Variants in MTMR2 observed in about 807,000 individuals in gnomAD.
MTMR2 encodes phosphatidylinositol-3,5-bisphosphate 3-phosphatase MTMR2.
MTMR2 carries 55 observed loss-of-function variants against 86.9 expected under a neutral mutation model. That is an observed-to-expected ratio of 0.63 (90% CI 0.51 to 0.79). MTMR2 has a LOEUF of 0.79. Ranked by LOEUF, MTMR2 falls within the 30% of genes least tolerant of loss-of-function variation. The probability of loss-of-function intolerance (pLI) is 0.00; values close to 1 mark genes in which losing one functional copy is unlikely to be tolerated. For synonymous variants in MTMR2, 241 were observed against 266.8 expected (o/e 0.90, Z 0.94); for missense variants, 659 against 772.3 (o/e 0.85, Z 1.74).
chr11:95,851,216 C>T (rs2135444803), intron 7 of MTMR2, among the ~76,000 whole-genome samples: 1 of 151,812 alleles, frequency 6.6e-6, no homozygotes, highest in African/African-American at 2.4e-5. Context: ...CCGTACGCCA[C>T]CATGCTGGGC....
chr11:95,852,878 T>C (rs1166206577), intron 7 of MTMR2, among the ~76,000 whole-genome samples: 5 of 151,912 alleles, frequency 3.3e-5, no homozygotes, highest in Non-Finnish European at 5.9e-5. Context: ...GTTTCTATTA[T>C]ACAAAACTTA....
chr11:95,917,411 TC>T (rs1866749811), intron 1 of MTMR2, among the ~76,000 whole-genome samples: 1 of 152,314 alleles, frequency 6.6e-6, no homozygotes, highest in Non-Finnish European at 1.5e-5. Context: ...GTTATCTCCT[TC>T]CCCTGGGCAT....
At chr11:95,907,982 C>T (rs1460836371) in intron 1 of MTMR2, 1 of 320,778 alleles carries the variant, frequency 3.1e-6, no homozygotes. Flanking sequence ...CAACATAACA[C>T]TGTAAGTCCT....
intron 1 of MTMR2, among the ~76,000 whole-genome samples, chr11:95,895,879 G>A (rs1865863896): frequency 6.6e-6 from 1 of 152,046 alleles, no homozygotes. Flanking sequence ...AATGTTCATA[G>A]CAGCATTATT....
intron 1 of MTMR2, among the ~76,000 whole-genome samples, chr11:95,910,588 C>T (rs964612728): frequency 3.9e-5 from 6 of 152,180 alleles, no homozygotes; most frequent in Admixed American, 2.6e-4. Context: ...ATAGTCATTA[C>T]AATAAGATCT....
rs1456217477 is a variant in MTMR2, at chr11:95,858,620, A to C, written c.481T>G (p.Leu161Val). 2 of 1,606,618 alleles carry C rather than the reference A, an allele frequency of 1.2e-6. No individual in the cohort carries two copies. The highest frequency in any genetic ancestry group is 1.3e-5 in the African/African-American group (1 of 74,748). The change falls in exon 6 of 15, where the codon TTA becomes GTA. Residue 161 changes from leucine to valine, a missense_variant. Physicochemically the swap from Leu to Val is conservative, Grantham distance 32 (BLOSUM62 1). This residue lies in a region of MTMR2 where 387 missense variants were observed against 526.3 expected (regional missense o/e 0.74). Coordinates refer to ENST00000346299, the MANE Select transcript of MTMR2 (RefSeq NM_016156.6). Reference sequence around the variant, plus strand: ...CCCTCAGGTTTATGAGCAAATCGTAAATTCCTAATATCCTAGAAAAGATTT... The same window carrying C: ...CCCTCAGGTTTATGAGCAAATCGTACATTCCTAATATCCTAGAAAAGATTT... ...LETVCKDIRN[L>V]RFAHKPEGRT...
chr11:95,923,316 C>G (rs985395907), intron 1 of MTMR2, among the ~76,000 whole-genome samples: 1 of 152,064 alleles, frequency 6.6e-6, no homozygotes, highest in African/African-American at 2.4e-5. Flanking sequence ...AAGAGAAGCA[C>G]AGGAGACATT....
intron 2 of MTMR2, among the ~76,000 whole-genome samples, chr11:95,884,223 A>G (rs1287522445): frequency 1.3e-5 from 2 of 152,224 alleles, no homozygotes; most frequent in Non-Finnish European, 2.9e-5. Context: ...ATGAAAAGCA[A>G]TCATCATCAA....
At chr11:95,838,382 T>C (rs113118572) in intron 12 of MTMR2, among the ~76,000 whole-genome samples, 175 bp from the exon 13 acceptor site, 29 of 152,170 alleles carry the variant, frequency 1.9e-4, no homozygotes, top group African/African-American at 6.7e-4. Context: ...AATCATGTTA[T>C]CACTTTTCTG....
chr11:95,842,581 CAG>C (rs1410611046), intron 11 of MTMR2, among the ~76,000 whole-genome samples: 1 of 152,198 alleles, frequency 6.6e-6, no homozygotes, highest in Non-Finnish European at 1.5e-5. Flanking sequence ...TAACTGAAAA[CAG>C]AATCCTGCTC....
rs1863120670 is a variant in MTMR2, at chr11:95,833,581, G to A, written c.*1709C>T. 6.6e-6 allele frequency: 1 copy of A among 151,978 alleles called. No homozygotes were observed. Among genetic ancestry groups the A allele is most frequent in the Admixed American group, 6.6e-5 (1 of 15,236 alleles). 9.4% of individuals were successfully genotyped at this position (151,978 alleles called of 1,614,324 possible). On this transcript the variant is annotated 3_prime_UTR_variant, in exon 15 of 15. Coordinates refer to ENST00000346299, the MANE Select transcript of MTMR2 (RefSeq NM_016156.6). Reference sequence around the variant, plus strand: ...GTAGGGTTGCACTTAGATTTCCCTGGCTTTTGATTTGAATTTGAAGTGGAT... The same window carrying A: ...GTAGGGTTGCACTTAGATTTCCCTGACTTTTGATTTGAATTTGAAGTGGAT...
rs1864587213 is a variant in MTMR2 at position 95,865,661 on chromosome 11, T to TA, written c.201dup (p.Asn68Ter). Reference sequence around the variant, plus strand: ...GGTTCTTCCATTTCTGCTAACTTGTTAGACTCCCTCAGGACCTGGGGTGGG... The same window carrying TA: ...GGTTCTTCCATTTCTGCTAACTTGTTAAGACTCCCTCAGGACCTGGGGTGGG... On this transcript the variant is annotated frameshift_variant, in exon 3 of 15. Coordinates refer to ENST00000346299, the MANE Select transcript of MTMR2 (RefSeq NM_016156.6). LOFTEE classifies it high-confidence loss of function. 6.2e-7 allele frequency: 1 copy of TA among 1,613,750 alleles called. No individual in the cohort carries two copies. Among genetic ancestry groups the TA allele is most frequent in the African/African-American group, 1.3e-5 (1 of 74,918 alleles).
chr11:95,843,619 A>C (rs1388090464), intron 11 of MTMR2, among the ~76,000 whole-genome samples: 1 of 152,194 alleles, frequency 6.6e-6, no homozygotes, highest in Non-Finnish European at 1.5e-5. Context: ...ACTAAAACCA[A>C]CAAAACATAA....
In MTMR2 at chr11:95,924,019, G is replaced by C. The variant is rs1378183473; in HGVS notation, c.-65C>G. On this transcript the variant is annotated 5_prime_UTR_variant, in exon 1 of 15. Transcript: ENST00000346299. The stretch of plus-strand genomic sequence containing the variant: ...TTCGCGGCTACAGGGCGGGAGAAGC[G>C]GAGGGCGGAGTGCTACGGACCGGGG... 7 of 1,539,910 alleles carry C rather than the reference G, an allele frequency of 4.5e-6. No homozygotes were observed. Among genetic ancestry groups the C allele is most frequent in the Non-Finnish European group, 6.1e-6 (7 of 1,138,224 alleles).
At chr11:95,866,782 A>G (rs1864634280) in intron 2 of MTMR2, among the ~76,000 whole-genome samples, 1 of 150,614 alleles carries the variant, frequency 6.6e-6, no homozygotes, top group African/African-American at 2.5e-5. Flanking sequence ...AGATGGGGTT[A>G]AAAAGGCAAA....
intron 11 of MTMR2, among the ~76,000 whole-genome samples, chr11:95,843,009 A>G (rs545156180): frequency 6.6e-6 from 1 of 152,266 alleles, no homozygotes; most frequent in Admixed American, 6.5e-5. Context: ...ATGGTAGGAG[A>G]TAGCACTTTC....
Position 95,833,386 on chromosome 11 carries a change from A to G in MTMR2, c.*1904T>C, listed in dbSNP as rs554885475. 2.6e-5 allele frequency: 4 copies of G among 152,146 alleles called. No homozygotes were observed. The highest frequency in any genetic ancestry group is 5.9e-5 in the Non-Finnish European group (4 of 68,018). 9.4% of individuals were successfully genotyped at this position (152,146 alleles called of 1,614,324 possible). A position where few individuals can be genotyped will look rare whatever the true frequency, so the allele number is the denominator to read the frequency against. ...TATGAAACATGTAACTGTCAATTCA[A>G]ATATTTAAAAGTTTTGCTTGTGTAA... On this transcript the variant is annotated 3_prime_UTR_variant, in exon 15 of 15. Coordinates refer to ENST00000346299, the MANE Select transcript of MTMR2 (RefSeq NM_016156.6).
In MTMR2 at chr11:95,835,153, C is replaced by G; in HGVS notation, c.*137G>C. 1 of 933,010 alleles carries G rather than the reference C, an allele frequency of 1.1e-6. No individual in the cohort carries two copies. Among genetic ancestry groups the G allele is most frequent in the African/African-American group, 1.6e-5 (1 of 60,966 alleles). 57.8% of individuals were successfully genotyped at this position (933,010 alleles called of 1,614,324 possible). On this transcript the variant is annotated 3_prime_UTR_variant, in exon 15 of 15. Transcript: ENST00000346299. Reference sequence around the variant, plus strand: ...TGCACTGCTACAGTTCTAAACTCATCCTAGAGAGATTTAAAATAAATAAAG... The same window carrying G: ...TGCACTGCTACAGTTCTAAACTCATGCTAGAGAGATTTAAAATAAATAAAG...
chr11:95,876,193 C>T (rs1308164711), intron 2 of MTMR2, among the ~76,000 whole-genome samples: 1 of 152,208 alleles, frequency 6.6e-6, no homozygotes, highest in South Asian at 2.1e-4. Flanking sequence ...GCCCTGCCCC[C>T]AGAGGTGGAG....
Sources: gnomAD v4.1 joint callset for allele counts (sites outside exome capture counted in the v4.1 genomes callset) on GRCh38, gnomAD v4.1.1 for gene constraint, gnomAD v4.1.1 regional missense constraint, MANE v1.5 for transcripts, NCBI Gene and HGNC (gene_info 2026-07-23, HGNC 2026-07-21) for gene names.